Variants in MIPOL1 observed in about 807,000 individuals in gnomAD.
The protein encoded by MIPOL1 is mirror-image polydactyly gene 1 protein.
Under a neutral mutation model 60.9 loss-of-function variants are expected in MIPOL1, and 57 were observed. That is an observed-to-expected ratio of 0.94 (90% confidence interval 0.76 to 1.17). MIPOL1 has a LOEUF of 1.17. Among genes scored for constraint, MIPOL1 ranks in the 50% most tolerant of loss-of-function variants. MIPOL1 has a pLI of 0.00. For missense variants in MIPOL1, 551 were observed against 511.6 expected, an observed-to-expected ratio of 1.08 and a Z score of -0.74; for synonymous variants, 179 against 168.8, an observed-to-expected ratio of 1.06 and a Z score of -0.47.
At chr14:37,209,060 T>G (rs996630759) in intron 1 of MIPOL1, among the ~76,000 whole-genome samples, 21 of 152,386 alleles carry the variant, frequency 1.4e-4, no homozygotes, top group African/African-American at 4.6e-4. Context: ...CTTATTAAAC[T>G]GTAAACTTTA....
intron 7 of MIPOL1, among the ~76,000 whole-genome samples, chr14:37,288,533 G>A (rs75752757): frequency 0.011 from 1,621 of 152,196 alleles, 8 homozygotes; most frequent in Non-Finnish European, 0.017. Flanking sequence ...GCCGGACATG[G>A]TAGCTCACAC....
At position 37,343,950 on chromosome 14, in the gene MIPOL1, A is replaced by T. The variant is rs115337497; in HGVS notation, c.829-25567A>T. ...CCTTATGGTATTTTCAGCCTGCTGCAATGTTCCATCTTTTTAAAATATATG... is the reference window on the plus strand; with the variant it reads ...CCTTATGGTATTTTCAGCCTGCTGCTATGTTCCATCTTTTTAAAATATATG... On this transcript the variant is annotated intron_variant, in intron 9 of 12. Coordinates refer to ENST00000684589, the MANE Select transcript of MIPOL1 (RefSeq NM_001388067.1). Among the ~76,000 whole-genome samples the T allele has an allele frequency of 1.9e-3, 294 of 152,240 alleles. 2 individuals carry two copies. Among genetic ancestry groups the T allele is most frequent in the African/African-American group, 6.4e-3 (268 of 41,570 alleles).
rs1038499873 is a variant in MIPOL1, at chr14:37,302,208, A to G, written c.624-5848A>G. On this transcript the variant is annotated intron_variant, in intron 7 of 12. Coordinates refer to ENST00000684589, the MANE Select transcript of MIPOL1 (RefSeq NM_001388067.1). Reference sequence around the variant, plus strand: ...TCCAGAGTGGCTATACTAGCAATGAATCAGAGTTCCTGTTGCTGTATATCC... The same window carrying G: ...TCCAGAGTGGCTATACTAGCAATGAGTCAGAGTTCCTGTTGCTGTATATCC... Among the ~76,000 whole-genome samples, 4 of 149,374 alleles carry G rather than the reference A, an allele frequency of 2.7e-5. No individual in the cohort carries two copies. In the Admixed American group the frequency reaches 2.7e-4, roughly 10 times the overall value.
At chr14:37,207,424 C>T (rs1966263344) in intron 1 of MIPOL1, among the ~76,000 whole-genome samples, 1 of 152,180 alleles carries the variant, frequency 6.6e-6, no homozygotes, top group South Asian at 2.1e-4. Context: ...ATGTTTTCAT[C>T]AGCAGTGTGA....
At chr14:37,234,341 TTTTTCTTTTC>T (rs1041222870) in intron 1 of MIPOL1, among the ~76,000 whole-genome samples, 7 of 150,058 alleles carry the variant, frequency 4.7e-5, no homozygotes, top group Non-Finnish European at 8.8e-5. Flanking sequence ...GTCCCTTCTT[TTTTTCTTTTC>T]TTTTCTTTTC....
chr14:37,519,892 C>T (rs1313871512), intron 12 of MIPOL1, among the ~76,000 whole-genome samples: 1 of 152,014 alleles, frequency 6.6e-6, no homozygotes, highest in Admixed American at 6.6e-5. Flanking sequence ...TGTCCATAAA[C>T]CTTACCACTG....
intron 9 of MIPOL1, among the ~76,000 whole-genome samples, chr14:37,342,957 A>C: frequency 6.7e-6 from 1 of 149,992 alleles, no homozygotes; most frequent in Admixed American, 6.7e-5. Context: ...TTATTTTAAT[A>C]TAGTATTTTA....
intron 10 of MIPOL1, among the ~76,000 whole-genome samples, chr14:37,410,102 G>T (rs564384497): frequency 1.3e-5 from 2 of 152,080 alleles, no homozygotes; most frequent in African/African-American, 4.8e-5. Context: ...TAAACATCTA[G>T]CATTCTAACA....
At chr14:37,345,919 A>G (rs2090914824) in intron 9 of MIPOL1, among the ~76,000 whole-genome samples, 2 of 152,206 alleles carry the variant, frequency 1.3e-5, no homozygotes, top group East Asian at 1.9e-4. Context: ...TCTTCAGAAT[A>G]CTATCATATA....
chr14:37,263,834 G>C (rs2082680596), intron 3 of MIPOL1, among the ~76,000 whole-genome samples: 1 of 152,158 alleles, frequency 6.6e-6, no homozygotes, highest in Non-Finnish European at 1.5e-5. Context: ...AGAGATAGAG[G>C]AATCAACAGG....
chr14:37,356,195 G>T (rs1370943258), intron 9 of MIPOL1, among the ~76,000 whole-genome samples: 1 of 151,968 alleles, frequency 6.6e-6, no homozygotes, highest in Admixed American at 6.6e-5. Context: ...CCCTGCTGGG[G>T]TGTGCCTCCC....
At chr14:37,299,564 T>G (rs1005539) in intron 7 of MIPOL1, among the ~76,000 whole-genome samples, 142,378 of 152,132 alleles carry the variant, frequency 0.94, 67,103 homozygotes, top group East Asian at 1. Context: ...GTGTTCGGAT[T>G]TCACTGTGCC....
intron 11 of MIPOL1, among the ~76,000 whole-genome samples, chr14:37,477,381 T>C (rs1450922304): frequency 6.6e-6 from 1 of 152,180 alleles, no homozygotes; most frequent in African/African-American, 2.4e-5. Context: ...TTGATTATTT[T>C]ATTGAATCTG....
At chr14:37,543,808 G>GTT (rs1024210472) in intron 12 of MIPOL1, among the ~76,000 whole-genome samples, 7 of 152,266 alleles carry the variant, frequency 4.6e-5, no homozygotes, top group African/African-American at 1.4e-4. Flanking sequence ...TACTAGATGA[G>GTT]TTAAAACCCT....
chr14:37,426,874 C>T (rs777770625), intron 11 of MIPOL1, among the ~76,000 whole-genome samples: 16 of 151,790 alleles, frequency 1.1e-4, no homozygotes, highest in Non-Finnish European at 1.8e-4. Context: ...TTGGTATCCA[C>T]TCAAAAATTT....
intron 7 of MIPOL1, among the ~76,000 whole-genome samples, chr14:37,302,603 A>G (rs1306325770): frequency 6.7e-6 from 1 of 149,744 alleles, no homozygotes; most frequent in African/African-American, 2.4e-5. Context: ...AAATTTTGAT[A>G]ACACTTAAAT....
At chr14:37,294,885 A>G (rs994547091) in intron 7 of MIPOL1, among the ~76,000 whole-genome samples, 14 of 152,168 alleles carry the variant, frequency 9.2e-5, no homozygotes, top group African/African-American at 3.4e-4. Context: ...ACTCTGCAGG[A>G]TATCATCCAG....
chr14:37,221,278 T>C lies in MIPOL1; in HGVS notation c.-199+23174T>C, dbSNP rs141024253. Among the ~76,000 whole-genome samples, 645 of 152,304 alleles carry C rather than the reference T, an allele frequency of 4.2e-3. 5 individuals carry two copies. Among genetic ancestry groups the C allele is most frequent in the African/African-American group, 0.014 (601 of 41,578 alleles). ...TGGCATCTGGCAAGGGCCTTTGTGCTTGTCATCTCATGGCAACAGGTGGAA... is the reference window on the plus strand; with the variant it reads ...TGGCATCTGGCAAGGGCCTTTGTGCCTGTCATCTCATGGCAACAGGTGGAA... On this transcript the variant is annotated intron_variant, in intron 1 of 12. Transcript: ENST00000684589.
At chr14:37,357,859 C>CT (rs1225554235) in intron 9 of MIPOL1, among the ~76,000 whole-genome samples, 1 of 151,740 alleles carries the variant, frequency 6.6e-6, no homozygotes, top group Admixed American at 6.6e-5. Context: ...TTTAATTATA[C>CT]TTTAAGTTCT....
Sources: gnomAD v4.1 joint callset for allele counts (sites outside exome capture counted in the v4.1 genomes callset) on GRCh38, gnomAD v4.1.1 for gene constraint, MANE v1.5 for transcripts, NCBI Gene and HGNC (gene_info 2026-07-23, HGNC 2026-07-21) for gene names.